The following PIBF1 variants were observed in gnomAD, a reference collection of about 807,000 sequenced individuals.
The protein encoded by PIBF1 is progesterone-induced-blocking factor 1.
In PIBF1, 90 loss-of-function variants were observed where a neutral mutation model predicts 112.5. The observed-to-expected ratio is 0.80, with a 90% confidence interval of 0.67 to 0.95. The LOEUF is 0.95. PIBF1 is among the 40% of genes least tolerant of loss of function. PIBF1 has a pLI of 0.00. For missense variants in PIBF1, 915 were observed against 852.3 expected, an observed-to-expected ratio of 1.07 and a Z score of -0.92; for synonymous variants, 301 against 288.6, an observed-to-expected ratio of 1.04 and a Z score of -0.44.
intron 15 of PIBF1, among the ~76,000 whole-genome samples, chr13:72,972,985 T>G (rs1260076959): frequency 6.6e-6 from 1 of 152,232 alleles, no homozygotes; most frequent in Non-Finnish European, 1.5e-5. Flanking sequence ...TCTTACCTTT[T>G]ATGTGAGTTT....
In PIBF1 at chr13:72,784,762, AAAT is replaced by A. The variant is rs944923595; in HGVS notation, c.252+1054_252+1056del. Reference sequence around the variant, plus strand: ...AACAGAGTGAGACCCTATCTCAAAAAAATAATAATAATAATTTAAGTATTGAAA... The same window carrying A: ...AACAGAGTGAGACCCTATCTCAAAAAAATAATAATAATTTAAGTATTGAAA... On this transcript the variant is annotated intron_variant, in intron 2 of 17. Transcript: ENST00000326291. Among the ~76,000 whole-genome samples, 8 of 152,272 alleles carry A rather than the reference AAAT, an allele frequency of 5.3e-5. No individual in the cohort carries two copies. The East Asian group carries it at 5.8e-4, about 11-fold the overall frequency.
intron 16 of PIBF1, among the ~76,000 whole-genome samples, chr13:72,988,310 C>T (rs541532813): frequency 6.6e-6 from 1 of 152,046 alleles, no homozygotes; most frequent in Non-Finnish European, 1.5e-5. Flanking sequence ...TCACTTCTGT[C>T]CCCTCTCTTC....
intron 16 of PIBF1, among the ~76,000 whole-genome samples, chr13:72,987,388 G>A (rs899323302): frequency 1.3e-5 from 2 of 150,360 alleles, no homozygotes; most frequent in Admixed American, 6.6e-5. Context: ...TACCTAATGT[G>A]TCTTCATTTT....
intron 9 of PIBF1, among the ~76,000 whole-genome samples, chr13:72,849,411 A>G (rs1226214233): frequency 1.3e-5 from 2 of 152,214 alleles, no homozygotes; most frequent in African/African-American, 4.8e-5. Context: ...TTTGAAGAAC[A>G]TTTGAATTCC....
intron 15 of PIBF1, among the ~76,000 whole-genome samples, chr13:72,970,146 A>G (rs768902487): frequency 1.4e-4 from 21 of 152,188 alleles, no homozygotes; most frequent in Admixed American, 1.3e-4. Context: ...AAAATCAACT[A>G]TTTATACAAT....
At chr13:72,989,491 G>A (rs1300742289) in intron 16 of PIBF1, among the ~76,000 whole-genome samples, 3 of 152,112 alleles carry the variant, frequency 2.0e-5, no homozygotes, top group Admixed American at 1.3e-4. Context: ...AAAAGCAGAC[G>A]GTATATGATT....
chr13:72,839,512 G>T (rs749186159), intron 9 of PIBF1, among the ~76,000 whole-genome samples: 1 of 152,160 alleles, frequency 6.6e-6, no homozygotes, highest in Non-Finnish European at 1.5e-5. Context: ...AATTAGAGAG[G>T]CCTGTGGTAT....
At chr13:72,797,310 C>T (rs2035245271) in intron 4 of PIBF1, among the ~76,000 whole-genome samples, 1 of 152,076 alleles carries the variant, frequency 6.6e-6, no homozygotes, top group Admixed American at 6.6e-5. Context: ...GTGTATAAAC[C>T]AGACAAAAAT....
At chr13:72,822,751 T>G (rs1348749957) in intron 6 of PIBF1, among the ~76,000 whole-genome samples, 1 of 152,246 alleles carries the variant, frequency 6.6e-6, no homozygotes, top group East Asian at 1.9e-4. Flanking sequence ...AATTGCATAA[T>G]ACCGTATGTG....
chr13:72,894,356 C>T (rs1276362474), intron 11 of PIBF1, among the ~76,000 whole-genome samples: 1 of 151,910 alleles, frequency 6.6e-6, no homozygotes, highest in Admixed American at 6.6e-5. Flanking sequence ...CAAATGCCAG[C>T]ATATTTTTTA....
chr13:72,925,541 T>TC (rs1331469714), intron 13 of PIBF1, among the ~76,000 whole-genome samples: 1 of 130,210 alleles, frequency 7.7e-6, no homozygotes, highest in Non-Finnish European at 1.6e-5. Context: ...TCTTTCTCTC[T>TC]CTTTTTTTTT....
chr13:72,859,911 G>C (rs150569247), intron 10 of PIBF1, among the ~76,000 whole-genome samples: 1 of 152,272 alleles, frequency 6.6e-6, no homozygotes, highest in East Asian at 1.9e-4. Context: ...GTGCTAGGCT[G>C]TAACTACCTA....
chr13:72,795,662 T>G, intron 4 of PIBF1, 105 bp downstream of exon 4: 2 of 702,552 alleles, frequency 2.8e-6, no homozygotes, highest in Non-Finnish European at 4.8e-6. Flanking sequence ...GATACATTAT[T>G]TTATGGCTAT....
chr13:73,007,003 C>CATAT (rs369687074), intron 17 of PIBF1, among the ~76,000 whole-genome samples: 8 of 148,482 alleles, frequency 5.4e-5, no homozygotes, highest in African/African-American at 1.5e-4. Context: ...AATTTGTATA[C>CATAT]ATATATATAT....
intron 8 of PIBF1, among the ~76,000 whole-genome samples, chr13:72,832,072 C>CTTTTTTTTTTTTTTTT (rs754794968): frequency 9.3e-5 from 4 of 42,900 alleles, no homozygotes; most frequent in African/African-American, 2.8e-4. Context: ...CAATTCCGGC[C>CTTTTTTTTTTTTTTTT]TTTTTTTTTT....
intron 12 of PIBF1, among the ~76,000 whole-genome samples, chr13:72,913,136 T>C (rs1198800154): frequency 6.6e-6 from 1 of 152,050 alleles, no homozygotes; most frequent in Non-Finnish European, 1.5e-5. Flanking sequence ...AAAAATTAAC[T>C]GAGAAAAGTG....
At chr13:72,812,866 C>CGGGGTA (rs2036084169) in intron 5 of PIBF1, among the ~76,000 whole-genome samples, 1 of 151,550 alleles carries the variant, frequency 6.6e-6, no homozygotes, top group Admixed American at 6.6e-5. Context: ...TGCTTGAGCC[C>CGGGGTA]GGGGTAGGGG....
intron 9 of PIBF1, among the ~76,000 whole-genome samples, chr13:72,839,683 G>A (rs778840122): frequency 1.3e-5 from 2 of 152,056 alleles, no homozygotes; most frequent in Non-Finnish European, 2.9e-5. Flanking sequence ...ATAAACTTTG[G>A]TATGTAATCA....
At chr13:72,948,623 T>A (rs2042212641) in intron 14 of PIBF1, among the ~76,000 whole-genome samples, 1 of 152,208 alleles carries the variant, frequency 6.6e-6, no homozygotes, top group African/African-American at 2.4e-5. Flanking sequence ...ATTTACTGTA[T>A]TAAGCCATTC....
Sources: gnomAD v4.1 joint callset for allele counts (sites outside exome capture counted in the v4.1 genomes callset) on GRCh38, gnomAD v4.1.1 for gene constraint, MANE v1.5 for transcripts, NCBI Gene and HGNC (gene_info 2026-07-23, HGNC 2026-07-21) for gene names.